NBAS: variants seen among roughly 807,000 people sequenced by gnomAD.
NBAS encodes NBAS subunit of NRZ tethering complex, also known as NAG/BC035112 fusion.
NBAS carries 219 observed loss-of-function variants against 302.5 expected under a neutral mutation model. The observed-to-expected ratio is 0.72, with a 90% confidence interval of 0.65 to 0.81. The LOEUF is 0.81. Among genes scored for constraint, NBAS ranks in the 30% least tolerant of loss-of-function variants. The probability of loss-of-function intolerance (pLI) is 0.00; values close to 1 mark genes in which losing one functional copy is unlikely to be tolerated. For synonymous variants in NBAS, 1,118 were observed against 1,021.6 expected (o/e 1.09, Z -1.80); for missense variants, 2,932 against 2,841.6 (o/e 1.03, Z -0.72).
rs527951011 is a variant in NBAS at position 15,480,503 on chromosome 2, A to C, written c.1084-2214T>G. 7.2e-5 allele frequency among the ~76,000 whole-genome samples: 11 copies of C among 152,216 alleles called. 1 individual carries two copies. In the East Asian group the frequency reaches 2.1e-3, roughly 29 times the overall value. On this transcript the variant is annotated intron_variant, in intron 12 of 51. Transcript: ENST00000281513. ...ACAAAGAGAGGTATAGATAAAAGGT[A>C]TAGGGGCCTTCGAAGGATGGACAGA...
intron 3 of NBAS, among the ~76,000 whole-genome samples, chr2:15,556,507 T>C (rs772321104): frequency 1.7e-4 from 26 of 152,292 alleles, no homozygotes; most frequent in Non-Finnish European, 3.4e-4. Context: ...ATGCTTCATA[T>C]GGACATTCAA....
At chr2:15,526,174 G>A (rs535335181) in intron 9 of NBAS, among the ~76,000 whole-genome samples, 7 of 152,284 alleles carry the variant, frequency 4.6e-5, no homozygotes, top group African/African-American at 1.7e-4. Context: ...GTAGGTTGAA[G>A]AAAGGAAGCA....
chr2:15,467,781 T>G lies in NBAS; in HGVS notation c.1901A>C (p.Asp634Ala). ...DGRFTLPGEI[D>A]IDSISYEELS... is the part of the protein sequence containing the mutation. ...CTCTTCATAGGAGATACTGTCAATGTCTATTTCACCAGGTAATGTAAATCT... is the reference window on the plus strand; with the variant it reads ...CTCTTCATAGGAGATACTGTCAATGGCTATTTCACCAGGTAATGTAAATCT... Residue 634 changes from aspartate (D) to alanine (A), a missense_variant, in exon 18 of 52, where the codon GAC (aspartate) becomes GCC (alanine). Asp to Ala is a moderately radical substitution (Grantham distance 126). Transcript: ENST00000281513. 1.9e-6 allele frequency: 3 copies of G among 1,593,004 alleles called. No individual in the cohort carries two copies. Among genetic ancestry groups the G allele is most frequent in the Non-Finnish European group, 1.7e-6 (2 of 1,161,282 alleles).
the NBAS span, among the ~76,000 whole-genome samples, chr2:15,058,701 G>A: frequency 6.6e-6 from 1 of 152,136 alleles, no homozygotes; most frequent in Admixed American, 6.6e-5. Flanking sequence ...GGGATTATGG[G>A]GTCAGGAGGC....
At chr2:15,306,091 G>C (rs1671024284) in intron 40 of NBAS, among the ~76,000 whole-genome samples, 1 of 152,154 alleles carries the variant, frequency 6.6e-6, no homozygotes, top group Non-Finnish European at 1.5e-5. Flanking sequence ...TACACACATA[G>C]CACTAATGAA....
At chr2:15,505,578 G>GA (rs1055118766) in intron 10 of NBAS, among the ~76,000 whole-genome samples, 2 of 152,020 alleles carry the variant, frequency 1.3e-5, no homozygotes, top group African/African-American at 4.8e-5. Context: ...AAACAAAACC[G>GA]AAAAAATCTG....
Position 15,402,174 on chromosome 2 carries a change from C to T in NBAS, c.3065G>A (p.Gly1022Glu), listed in dbSNP as rs1443850654. ...YDLLECLPER[G>E]YGDKTEATTK... Reference sequence around the variant, plus strand: ...GCATACTGTGTATTCTTACCCATATCCTCTTTCTGGCAGACATTCTAGTAG... The same window carrying T: ...GCATACTGTGTATTCTTACCCATATTCTCTTTCTGGCAGACATTCTAGTAG... Residue 1022 changes from glycine to glutamate, a missense_variant, in exon 26 of 52, where the codon GGA becomes GAA. By Grantham distance (98) the Gly-to-Glu change is moderately conservative. Coordinates refer to ENST00000281513, the MANE Select transcript of NBAS (RefSeq NM_015909.4). The T allele has an allele frequency of 6.2e-7, 1 of 1,613,398 alleles. No individual in the cohort carries two copies. Among genetic ancestry groups the T allele is most frequent in the Non-Finnish European group, 8.5e-7 (1 of 1,179,560 alleles).
chr2:15,279,841 A>T lies in NBAS; in HGVS notation c.5139-2740T>A, dbSNP rs183734569. Among the ~76,000 whole-genome samples the T allele has an allele frequency of 6.9e-3, 1,054 of 152,300 alleles. 10 individuals carry two copies. Among genetic ancestry groups the T allele is most frequent in the African/African-American group, 0.023 (952 of 41,570 alleles). On this transcript the variant is annotated intron_variant, in intron 42 of 51. Coordinates refer to ENST00000281513, the MANE Select transcript of NBAS (RefSeq NM_015909.4). ...TTAATAGTTTCCATTCTGAAGAAAG[A>T]AGCTGTTATCTTCCCTTTGGAACCA... is the stretch of plus-strand genomic sequence containing the variant.
At chr2:15,283,310 T>A (rs1176791343) in intron 42 of NBAS, among the ~76,000 whole-genome samples, 1 of 152,144 alleles carries the variant, frequency 6.6e-6, no homozygotes, top group Non-Finnish European at 1.5e-5. Flanking sequence ...CTTGATATAG[T>A]TTGATTGCAT....
Position 15,356,381 on chromosome 2 carries a change from T to C in NBAS, c.3853A>G (p.Ile1285Val). 1 of 1,613,886 alleles carries C rather than the reference T, an allele frequency of 6.2e-7. No homozygotes were observed. Among genetic ancestry groups the C allele is most frequent in the Non-Finnish European group, 8.5e-7 (1 of 1,179,806 alleles). Residue 1285 changes from isoleucine (I) to valine (V), a missense_variant, in exon 33 of 52, where the codon ATC becomes GTC. Coordinates refer to ENST00000281513, the MANE Select transcript of NBAS (RefSeq NM_015909.4). ...CGAAGTGCCTGCTCCACTAAAAGGA[T>C]TAGAACCTGTCCCCGCCTTTCTTCT... The part of the protein sequence containing the change: ...NPEERRGQVL[I>V]LLVEQALRFH...
At chr2:15,107,329 C>T in the NBAS span, among the ~76,000 whole-genome samples, 1 of 151,998 alleles carries the variant, frequency 6.6e-6, no homozygotes, top group Non-Finnish European at 1.5e-5. Flanking sequence ...CATGAGAACC[C>T]GACCATGCTG....
At chr2:15,285,829 A>G (rs1012266415) in intron 42 of NBAS, among the ~76,000 whole-genome samples, 1 of 152,028 alleles carries the variant, frequency 6.6e-6, no homozygotes, top group Non-Finnish European at 1.5e-5. Context: ...TAATTTTTGT[A>G]TTTTTAGTAG....
chr2:15,536,446 G>T lies in NBAS; in HGVS notation c.619C>A (p.Arg207=), dbSNP rs866020952. The T allele has an allele frequency of 8.7e-6, 14 of 1,613,154 alleles. No homozygotes were observed. Among genetic ancestry groups the T allele is most frequent in the Non-Finnish European group, 1.2e-5 (14 of 1,179,946 alleles). Residue 207 remains arginine (R), a synonymous_variant, in exon 8 of 52, where the codon CGA becomes AGA. Transcript: ENST00000281513. The part of the protein sequence containing the change: ...WSAELLVINY[R]GELRSYLVSV... ...ACAAGGTAACTTCTAAGTTCTCCTCGGTAATTGATGACCAGGAGTTCTGCA... is the reference window on the plus strand; with the variant it reads ...ACAAGGTAACTTCTAAGTTCTCCTCTGTAATTGATGACCAGGAGTTCTGCA...
chr2:14,848,830 C>T, the NBAS span, among the ~76,000 whole-genome samples: 18,495 of 150,588 alleles, frequency 0.12, 1,952 homozygotes, highest in African/African-American at 0.29. Flanking sequence ...ACACCTCACA[C>T]GGCAGGGTAT....
chr2:15,027,100 C>T, the NBAS span, among the ~76,000 whole-genome samples: 1 of 152,068 alleles, frequency 6.6e-6, no homozygotes, highest in Non-Finnish European at 1.5e-5. Context: ...TTCATATAAA[C>T]TTTAGGATCA....
intron 44 of NBAS, among the ~76,000 whole-genome samples, chr2:15,261,713 G>C (rs574870622): frequency 1.3e-5 from 2 of 152,222 alleles, no homozygotes; most frequent in Admixed American, 1.3e-4. Context: ...TTCATGGAGA[G>C]GGGCATGAAA....
At chr2:14,784,197 A>T in the NBAS span, among the ~76,000 whole-genome samples, 1 of 152,040 alleles carries the variant, frequency 6.6e-6, no homozygotes, top group African/African-American at 2.4e-5. Context: ...GTTTGAGTTC[A>T]TTGTAGACTC....
chr2:14,893,007 T>A, the NBAS span, among the ~76,000 whole-genome samples: 4,636 of 152,338 alleles, frequency 0.03, 112 homozygotes, highest in Middle Eastern at 0.065. Flanking sequence ...TCTCTAATGG[T>A]TAGCTAAAAC....
chr2:15,159,807 A>G, the NBAS span, among the ~76,000 whole-genome samples: 3 of 139,708 alleles, frequency 2.1e-5, no homozygotes, highest in Middle Eastern at 3.5e-3. Context: ...ACGCGTGCAC[A>G]CACACACACA....
Sources: allele counts gnomAD v4.1 joint callset (sites outside exome capture counted in the v4.1 genomes callset), GRCh38; gene constraint gnomAD v4.1.1; transcripts MANE v1.5; gene names NCBI Gene and HGNC (gene_info 2026-07-23, HGNC 2026-07-21).